USP43: variants seen among roughly 807,000 people sequenced by gnomAD.
USP43 encodes the protein ubiquitin carboxyl-terminal hydrolase 43.
In USP43, 33 loss-of-function variants were observed where a neutral mutation model predicts 90.7. That is an observed-to-expected ratio of 0.36 (90% CI 0.28 to 0.49). USP43 has a LOEUF of 0.49. USP43 is among the 20% of genes least tolerant of loss of function. The pLI is 0.98. For synonymous variants in USP43, 598 were observed against 615.8 expected (o/e 0.97, Z 0.43); for missense variants, 1,274 against 1,476.4 (o/e 0.86, Z 2.25).
At chr17:9,714,180 G>A (rs139869374) in intron 14 of USP43, among the ~76,000 whole-genome samples, 14 of 152,274 alleles carry the variant, frequency 9.2e-5, no homozygotes, top group Admixed American at 2.0e-4. Context: ...ATGAAGCTTC[G>A]CTCATTTGCT....
intron 14 of USP43, among the ~76,000 whole-genome samples, chr17:9,715,163 A>G (rs1439955617): frequency 6.6e-6 from 1 of 152,206 alleles, no homozygotes; most frequent in Admixed American, 6.5e-5. Context: ...GTAACCACAG[A>G]AACAAAGTCC....
chr17:9,675,161 A>G (rs1187044642), intron 4 of USP43, among the ~76,000 whole-genome samples, 178 bp downstream of exon 4: 2 of 152,188 alleles, frequency 1.3e-5, no homozygotes, highest in East Asian at 3.9e-4. Flanking sequence ...GTGAAAGGTT[A>G]CTGTGTTCCT....
chr17:9,712,269 ATG>A, intron 14 of USP43, 137 bp downstream of exon 14: 2 of 1,110,896 alleles, frequency 1.8e-6, no homozygotes, highest in South Asian at 4.6e-5. Flanking sequence ...CATCTCTTAA[ATG>A]GGGTCTTCTA....
intron 2 of USP43, among the ~76,000 whole-genome samples, chr17:9,658,552 G>A (rs75495007): frequency 4.6e-3 from 702 of 152,172 alleles, no homozygotes; most frequent in Admixed American, 9.0e-3. Context: ...CAAATGAAAC[G>A]AAGCAAACAA....
chr17:9,682,555 C>T (rs1475190679), intron 6 of USP43, among the ~76,000 whole-genome samples: 1 of 152,190 alleles, frequency 6.6e-6, no homozygotes, highest in Non-Finnish European at 1.5e-5. Flanking sequence ...GCCTGGGGGA[C>T]AGAGCGAGAC....
intron 8 of USP43, among the ~76,000 whole-genome samples, chr17:9,687,388 G>A (rs1237672922): frequency 6.6e-6 from 1 of 152,034 alleles, no homozygotes; most frequent in African/African-American, 2.4e-5. Flanking sequence ...AAATTAAAAT[G>A]GATGATTATG....
intron 8 of USP43, among the ~76,000 whole-genome samples, chr17:9,689,240 T>C (rs1351225359): frequency 6.6e-6 from 1 of 152,180 alleles, no homozygotes; most frequent in Non-Finnish European, 1.5e-5. Flanking sequence ...AGAGAATATA[T>C]TCAGGAGTCT....
chr17:9,650,918 G>C (rs1290810150), intron 1 of USP43, among the ~76,000 whole-genome samples: 3 of 151,756 alleles, frequency 2.0e-5, no homozygotes, highest in Admixed American at 2.0e-4. Flanking sequence ...TGATTTCAGA[G>C]ACTTTGGTGC....
intron 4 of USP43, among the ~76,000 whole-genome samples, chr17:9,676,307 A>G (rs575801067): frequency 2.4e-4 from 37 of 152,320 alleles, no homozygotes; most frequent in African/African-American, 7.9e-4. Context: ...ACAATGTACC[A>G]AGTACAGGGA....
intron 14 of USP43, among the ~76,000 whole-genome samples, chr17:9,718,871 T>C (rs1427548835): frequency 6.6e-6 from 1 of 151,692 alleles, no homozygotes; most frequent in African/African-American, 2.4e-5. Flanking sequence ...AAGAATCCGT[T>C]TCTATGCAGG....
intron 2 of USP43, among the ~76,000 whole-genome samples, chr17:9,660,614 C>T (rs1269090889): frequency 1.3e-5 from 2 of 152,158 alleles, no homozygotes; most frequent in South Asian, 2.1e-4. Flanking sequence ...TCCAATAGCA[C>T]GTAGAACAAA....
At chr17:9,707,763 A>G (rs1373334633) in intron 12 of USP43, among the ~76,000 whole-genome samples, 5 of 152,072 alleles carry the variant, frequency 3.3e-5, no homozygotes, top group African/African-American at 1.2e-4. Context: ...GAAGACACCA[A>G]ACTATATAGA....
intron 14 of USP43, among the ~76,000 whole-genome samples, chr17:9,716,586 G>A (rs1158710876): frequency 6.6e-6 from 1 of 152,128 alleles, no homozygotes. Context: ...AAGAAGAGGG[G>A]GTGCAGGGTG....
At chr17:9,652,552 G>A (rs1176939587) in intron 1 of USP43, among the ~76,000 whole-genome samples, 2 of 151,878 alleles carry the variant, frequency 1.3e-5, no homozygotes, top group Non-Finnish European at 2.9e-5. Flanking sequence ...TAGTAGAGAC[G>A]GGGTTTCACC....
chr17:9,720,550 G>A (rs573473299), intron 14 of USP43, among the ~76,000 whole-genome samples: 7 of 151,542 alleles, frequency 4.6e-5, no homozygotes, highest in East Asian at 4.0e-4. Context: ...GTGCAGTGGC[G>A]CAATCTCTGC....
intron 6 of USP43, 75 bp from the exon 7 acceptor site, chr17:9,682,747 CT>C: frequency 6.5e-7 from 1 of 1,541,070 alleles, no homozygotes; most frequent in East Asian, 2.3e-5. Context: ...GAAAGAGGGA[CT>C]AGAGAAGCTA....
At chr17:9,722,783 C>T (rs1283981764) in intron 14 of USP43, among the ~76,000 whole-genome samples, 1 of 152,178 alleles carries the variant, frequency 6.6e-6, no homozygotes, top group African/African-American at 2.4e-5. Context: ...TTCATGTGCC[C>T]CTTCTGGTCT....
chr17:9,729,096 A>C lies in USP43; in HGVS notation c.*106A>C. The C allele has an allele frequency of 1.6e-6, 2 of 1,235,832 alleles. No homozygotes were observed. The highest frequency in any genetic ancestry group is 2.9e-5 in the Admixed American group (1 of 33,930). 76.6% of individuals were successfully genotyped at this position (1,235,832 alleles called of 1,614,324 possible). On this transcript the variant is annotated 3_prime_UTR_variant, in exon 15 of 15. Coordinates refer to ENST00000285199, the MANE Select transcript of USP43 (RefSeq NM_153210.5). Reference sequence around the variant, plus strand: ...TTTCCAGGAAACCCGTTGTCTTGTAATCTCTAAAAAAAAATTTTTTTTTTT... The same window carrying C: ...TTTCCAGGAAACCCGTTGTCTTGTACTCTCTAAAAAAAAATTTTTTTTTTT...
intron 14 of USP43, among the ~76,000 whole-genome samples, chr17:9,715,736 TGTGTGTCTCTGTAGGTATGTGTCTGC>T (rs1916496368): frequency 6.7e-6 from 1 of 149,426 alleles, no homozygotes; most frequent in Non-Finnish European, 1.5e-5. Flanking sequence ...TGTGTGTGTG[TGTGTGTCTCTGTAGGTATGTGTCTGC>T]GTGTTTGTGT....
Sources: gnomAD v4.1 joint callset for allele counts (sites outside exome capture counted in the v4.1 genomes callset) on GRCh38, gnomAD v4.1.1 for gene constraint, MANE v1.5 for transcripts, NCBI Gene and HGNC (gene_info 2026-07-23, HGNC 2026-07-21) for gene names.